The following AUH variants were observed in gnomAD, a reference collection of about 807,000 sequenced individuals.
AUH encodes the protein AU RNA binding methylglutaconyl-CoA hydratase.
A neutral mutation model predicts 42.3 loss-of-function variants in AUH; 29 were observed. The ratio of observed to expected loss-of-function variants is 0.69; its 90% CI spans 0.51 to 0.93. AUH has a LOEUF of 0.93. AUH is among the 40% of genes least tolerant of loss of function. The pLI is 0.00. For synonymous variants in AUH, 174 were observed against 166.4 expected (o/e 1.05, Z -0.35); for missense variants, 452 against 438.1 (o/e 1.03, Z -0.28).
chr9:91,352,008 C>T (rs1403427176), intron 3 of AUH, among the ~76,000 whole-genome samples: 1 of 152,192 alleles, frequency 6.6e-6, no homozygotes, highest in East Asian at 1.9e-4. Context: ...GGCACAGTGG[C>T]TCACCCATGT....
At position 91,217,282 on chromosome 9, in the gene AUH, T is replaced by A; in HGVS notation, c.889A>T (p.Met297Leu). 1 of 1,613,720 alleles carries A rather than the reference T, an allele frequency of 6.2e-7. No individual in the cohort carries two copies. Among genetic ancestry groups the A allele is most frequent in the Non-Finnish European group, 8.5e-7 (1 of 1,179,694 alleles). The change falls in exon 8 of 10, where the codon ATG becomes TTG. Residue 297 changes from methionine to leucine, a missense_variant. By Grantham distance (15) the Met-to-Leu change is conservative. Coordinates refer to ENST00000375731, the MANE Select transcript of AUH (RefSeq NM_001698.3). Reference sequence around the variant, plus strand: ...TCAAGCATTAAGGAACCTACCTCCATCCCTTGATTAATTGCTAATTTTGCC... The same window carrying A: ...TCAAGCATTAAGGAACCTACCTCCAACCCTTGATTAATTGCTAATTTTGCC... ...RVAKLAINQG[M>L]EVDLVTGLAI...
intron 4 of AUH, among the ~76,000 whole-genome samples, chr9:91,317,704 G>A (rs1829263214): frequency 6.6e-6 from 1 of 152,052 alleles, no homozygotes; most frequent in South Asian, 2.1e-4. Flanking sequence ...GGTGACAGTG[G>A]GTCCTCTTGC....
chr9:91,268,130 T>C (rs1307535402), intron 6 of AUH, among the ~76,000 whole-genome samples: 1 of 152,212 alleles, frequency 6.6e-6, no homozygotes, highest in Non-Finnish European at 1.5e-5. Flanking sequence ...ATAAACATCA[T>C]CATTCCAAAT....
In AUH at chr9:91,356,248, A is replaced by G. The variant is rs149230713; in HGVS notation, c.263-93T>C. 3.9e-4 allele frequency: 390 copies of G among 999,554 alleles called. 3 individuals are homozygous for G. In the African/African-American group the frequency reaches 5.4e-3, roughly 14 times the overall value. The allele number at this position is 999,554 out of a possible 1,614,324, so 61.9% of individuals were successfully genotyped here. A position where few individuals can be genotyped will look rare whatever the true frequency, so the allele number is the denominator to read the frequency against. On this transcript the variant is annotated intron_variant, in intron 1 of 9. Coordinates refer to ENST00000375731, the MANE Select transcript of AUH (RefSeq NM_001698.3). ...CACACATCTAGCTAGCTTCGAACTT[A>G]ACAAATCAAAGAAATTCATGACATC...
intron 4 of AUH, among the ~76,000 whole-genome samples, chr9:91,311,128 T>A (rs1828669673): frequency 6.6e-6 from 1 of 152,208 alleles, no homozygotes; most frequent in Non-Finnish European, 1.5e-5. Context: ...TTCTTTGTAT[T>A]TCAAAGAGAG....
At chr9:91,334,733 CAG>C (rs1217519562) in intron 3 of AUH, among the ~76,000 whole-genome samples, 23 of 152,110 alleles carry the variant, frequency 1.5e-4, no homozygotes, top group Non-Finnish European at 2.4e-4. Flanking sequence ...GCATTTTTCT[CAG>C]AAGTAAAAGA....
intron 6 of AUH, among the ~76,000 whole-genome samples, chr9:91,254,524 A>G (rs1328593863): frequency 6.6e-6 from 1 of 152,236 alleles, no homozygotes; most frequent in Non-Finnish European, 1.5e-5. Context: ...TGGAGGATAG[A>G]ATTCCAGAGT....
chr9:91,322,061 T>C (rs1829622462), intron 4 of AUH, among the ~76,000 whole-genome samples: 1 of 152,174 alleles, frequency 6.6e-6, no homozygotes, highest in Non-Finnish European at 1.5e-5. Flanking sequence ...TCTGGAATCA[T>C]CACAGTAAGT....
intron 6 of AUH, among the ~76,000 whole-genome samples, chr9:91,243,513 C>T (rs892274279): frequency 6.6e-6 from 1 of 152,236 alleles, no homozygotes; most frequent in African/African-American, 2.4e-5. Flanking sequence ...TCTGCCTCCT[C>T]ACTTCGCTGC....
intron 6 of AUH, among the ~76,000 whole-genome samples, chr9:91,284,691 G>A (rs1430792375): frequency 2.0e-5 from 3 of 152,172 alleles, no homozygotes; most frequent in South Asian, 2.1e-4. Context: ...CATTCATGCA[G>A]CCAACAGACA....
chr9:91,225,820 G>A (rs1317997774), intron 6 of AUH, among the ~76,000 whole-genome samples: 1 of 151,314 alleles, frequency 6.6e-6, no homozygotes, highest in Non-Finnish European at 1.5e-5. Flanking sequence ...TTTTGTTCTT[G>A]GGATAGTTTA....
rs905474745 is a variant in AUH at position 91,327,972 on chromosome 9, G to C, written c.419-2568C>G. 4.5e-4 allele frequency among the ~76,000 whole-genome samples: 68 copies of C among 152,270 alleles called. 1 individual carries two copies. Among genetic ancestry groups the C allele is most frequent in the African/African-American group, 1.6e-3 (66 of 41,548 alleles). On this transcript the variant is annotated intron_variant, in intron 3 of 9. Coordinates refer to ENST00000375731, the MANE Select transcript of AUH (RefSeq NM_001698.3). ...CTGAGTGTGGAGGTGCAGCAGGCAC[G>C]GGATTCAAGTGGGCGCGAACCAAGC... is the stretch of plus-strand genomic sequence containing the variant.
intron 6 of AUH, among the ~76,000 whole-genome samples, chr9:91,263,535 A>C (rs890372395): frequency 6.6e-6 from 1 of 152,202 alleles, no homozygotes; most frequent in Non-Finnish European, 1.5e-5. Context: ...CTTTAACAAA[A>C]CTTCATTATA....
chr9:91,278,512 G>T (rs774011882), intron 6 of AUH, among the ~76,000 whole-genome samples: 2 of 152,108 alleles, frequency 1.3e-5, no homozygotes, highest in Non-Finnish European at 2.9e-5. Flanking sequence ...TTTTAAGATC[G>T]TCACTGTTAA....
intron 1 of AUH, among the ~76,000 whole-genome samples, chr9:91,357,960 T>C (rs892940917): frequency 4.6e-5 from 7 of 152,114 alleles, no homozygotes; most frequent in African/African-American, 1.7e-4. Context: ...CATATAAAAC[T>C]GGCGGGGGAA....
At chr9:91,341,118 C>G (rs764454469) in intron 3 of AUH, among the ~76,000 whole-genome samples, 1 of 152,206 alleles carries the variant, frequency 6.6e-6, no homozygotes, top group African/African-American at 2.4e-5. Flanking sequence ...TCTACTCAAG[C>G]TGACCAAAGT....
intron 7 of AUH, chr9:91,218,922 T>G: frequency 1.0e-6 from 1 of 985,318 alleles, no homozygotes; most frequent in Non-Finnish European, 1.2e-6. Context: ...TAACTCAACA[T>G]CTTCTTATAC....
chr9:91,314,222 G>T (rs1460684472), intron 4 of AUH, among the ~76,000 whole-genome samples: 1 of 151,984 alleles, frequency 6.6e-6, no homozygotes, highest in Non-Finnish European at 1.5e-5. Flanking sequence ...TAAAAGTAGG[G>T]GGCCAGGAAC....
chr9:91,220,153 G>A (rs976324138), intron 7 of AUH, among the ~76,000 whole-genome samples: 1 of 152,162 alleles, frequency 6.6e-6, no homozygotes, highest in Non-Finnish European at 1.5e-5. Context: ...AAAAAGAATT[G>A]CTTAAAGCAG....
Sources: gnomAD v4.1 joint callset for allele counts (sites outside exome capture counted in the v4.1 genomes callset) on GRCh38, gnomAD v4.1.1 for gene constraint, MANE v1.5 for transcripts, NCBI Gene and HGNC (gene_info 2026-07-23, HGNC 2026-07-21) for gene names.